The following NOMO3 variants were observed in gnomAD, a reference collection of about 807,000 sequenced individuals.
NOMO3 encodes NODAL modulator 3.
Under a neutral mutation model 69.9 loss-of-function variants are expected in NOMO3, and 15 were observed. That is an observed-to-expected ratio of 0.21 (90% CI 0.14 to 0.33). NOMO3 has a LOEUF of 0.33. Among genes scored for constraint, NOMO3 ranks in the 10% least tolerant of loss-of-function variants. The pLI is 1.00. For synonymous variants in NOMO3, 89 were observed against 301.9 expected (o/e 0.29, Z 7.31); for missense variants, 218 against 761.0 (o/e 0.29, Z 8.39).
At position 16,263,569 on chromosome 16, in the gene NOMO3, C is replaced by T. The variant is rs752185268; in HGVS notation, c.1594C>T (p.Arg532Trp). The stretch of plus-strand genomic sequence containing the variant: ...GTCCCTGAGCCGCCAGGGTGAGAAG[C>T]GGAGCCTCCAGCTCTCCGGCAAGGT... ...LQSLSRQGEK[R>W]SLQLSGKVNA... Residue 532 changes from arginine (R) to tryptophan (W), a missense_variant, in exon 14 of 31, where the codon CGG (arginine) becomes TGG (tryptophan). Arg to Trp is a moderately radical substitution (Grantham distance 101). Coordinates refer to ENST00000399336, the MANE Select transcript of NOMO3 (RefSeq NM_001004067.4). 1.2e-4 allele frequency: 113 copies of T among 951,988 alleles called. 5 individuals are homozygous for T. The highest frequency in any genetic ancestry group is 6.7e-4 in the Middle Eastern group (2 of 2,988). 59.0% of individuals were successfully genotyped at this position (951,988 alleles called of 1,614,324 possible).
At chr16:16,256,332 G>A (rs2049512173) in intron 11 of NOMO3, among the ~76,000 whole-genome samples, 174 bp downstream of exon 11, 1 of 123,412 alleles carries the variant, frequency 8.1e-6, no homozygotes, top group South Asian at 2.7e-4. Flanking sequence ...CTGTAGTGCA[G>A]TGGTGCCATC....
chr16:16,237,484 G>A (rs111577264), intron 2 of NOMO3, among the ~76,000 whole-genome samples: 3 of 143,468 alleles, frequency 2.1e-5, no homozygotes, highest in Non-Finnish European at 4.5e-5. Flanking sequence ...TACCCTTTTC[G>A]CTCCAATTTT....
intron 11 of NOMO3, chr16:16,260,800 T>C (rs1413670477): frequency 7.0e-6 from 1 of 142,720 alleles, no homozygotes; most frequent in Non-Finnish European, 1.5e-5. Flanking sequence ...TGATGGTCGT[T>C]GTAGGGGGGC....
chr16:16,233,502 G>GT (rs1300616875), intron 1 of NOMO3, among the ~76,000 whole-genome samples: 23,885 of 92,810 alleles, frequency 0.26, 4,498 homozygotes, highest in Non-Finnish European at 0.35. Context: ...TGTGCTGAAG[G>GT]TTTTTTTTTT....
chr16:16,252,207 C>G lies in NOMO3; in HGVS notation c.873+107C>G. The G allele has an allele frequency of 2.5e-6, 4 of 1,575,742 alleles. 1 individual carries two copies. Among genetic ancestry groups the G allele is most frequent in the Middle Eastern group, 2.3e-4 (1 of 4,310 alleles). Reference sequence around the variant, plus strand: ...GAAAAGATGGTTGGCCTGCAGTTCTCTGAACATGCTGTTAAGCAGTAACTT... The same window carrying G: ...GAAAAGATGGTTGGCCTGCAGTTCTGTGAACATGCTGTTAAGCAGTAACTT... On this transcript the variant is annotated intron_variant, in intron 8 of 30. Coordinates refer to ENST00000399336, the MANE Select transcript of NOMO3 (RefSeq NM_001004067.4).
intron 11 of NOMO3, among the ~76,000 whole-genome samples, chr16:16,258,192 AAAAT>A (rs1290763363): frequency 7.0e-6 from 1 of 142,958 alleles, no homozygotes; most frequent in Non-Finnish European, 1.5e-5. Flanking sequence ...ACCTGGTCTA[AAAAT>A]AAATAAAGAG....
intron 14 of NOMO3, 80 bp from the exon 15 acceptor site, chr16:16,264,963 A>G (rs2049597014): frequency 4.5e-6 from 4 of 888,846 alleles, no homozygotes; most frequent in Non-Finnish European, 6.6e-6. Flanking sequence ...TAGTTAATTC[A>G]TGATCATTGT....
chr16:16,245,236 C>G, intron 5 of NOMO3, 62 bp downstream of exon 5: 1 of 1,155,410 alleles, frequency 8.7e-7, no homozygotes, highest in Non-Finnish European at 1.2e-6. Context: ...GGTCATGGAG[C>G]TGGGTTTGGG....
At position 16,244,018 on chromosome 16, in the gene NOMO3, G is replaced by A. The variant is rs1181808722; in HGVS notation, c.402+757G>A. The stretch of plus-strand genomic sequence containing the variant: ...TTAAGTTCTGAGATTTTTTTGGACC[G>A]CCACGGTGGTGTGAATTTAGAGTCC... On this transcript the variant is annotated intron_variant, in intron 4 of 30. Transcript: ENST00000399336. Among the ~76,000 whole-genome samples, 4 of 143,562 alleles carry A rather than the reference G, an allele frequency of 2.8e-5. 1 individual carries two copies. The highest frequency in any genetic ancestry group is 1.4e-4 in the Admixed American group (2 of 14,758). 94.2% of individuals were successfully genotyped at this position (143,562 alleles called of 152,430 possible).
chr16:16,265,670 ATTTTTTTT>A (rs59243746), intron 15 of NOMO3, among the ~76,000 whole-genome samples: 22 of 16,638 alleles, frequency 1.3e-3, no homozygotes, highest in African/African-American at 6.5e-3. Context: ...ATATATATAT[ATTTTTTTT>A]TTTTTTTTTT....
At chr16:16,242,228 T>TGC (rs2049379756) in intron 3 of NOMO3, among the ~76,000 whole-genome samples, 1 of 108,708 alleles carries the variant, frequency 9.2e-6, no homozygotes, top group African/African-American at 4.5e-5. Context: ...TGTGTGTGTG[T>TGC]GCATGTACGC....
intron 16 of NOMO3, among the ~76,000 whole-genome samples, chr16:16,269,469 G>C (rs1391714723): frequency 7.2e-6 from 1 of 139,434 alleles, no homozygotes; most frequent in South Asian, 2.3e-4. Context: ...CTACTCTGGG[G>C]CTTGTTGAGT....
intron 9 of NOMO3, among the ~76,000 whole-genome samples, chr16:16,252,824 C>T (rs1419444125): frequency 2.0e-5 from 2 of 100,680 alleles, no homozygotes; most frequent in Non-Finnish European, 3.8e-5. Flanking sequence ...TCCCTGTGGA[C>T]CTCATTTTTT....
chr16:16,255,053 C>T lies in NOMO3; in HGVS notation c.964-667C>T, dbSNP rs1377394469. 8.3e-5 allele frequency among the ~76,000 whole-genome samples: 12 copies of T among 144,252 alleles called. 1 individual carries two copies. The highest frequency in any genetic ancestry group is 2.7e-4 in the Admixed American group (4 of 14,868). 94.6% of individuals were successfully genotyped at this position (144,252 alleles called of 152,430 possible). A position where few individuals can be genotyped will look rare whatever the true frequency, so the allele number is the denominator to read the frequency against. ...TCAGCCTCCCGAGTAGCTGGGATTA[C>T]AGGCGCCCGCCACCACACCTGGCTA... On this transcript the variant is annotated intron_variant, in intron 9 of 30. Coordinates refer to ENST00000399336, the MANE Select transcript of NOMO3 (RefSeq NM_001004067.4).
intron 9 of NOMO3, among the ~76,000 whole-genome samples, chr16:16,254,652 T>C (rs918302741): frequency 2.1e-5 from 3 of 143,322 alleles, no homozygotes; most frequent in Admixed American, 2.0e-4. Flanking sequence ...AAAAAGTCCC[T>C]GTCTCCATGA....
intron 3 of NOMO3, among the ~76,000 whole-genome samples, chr16:16,242,729 T>A (rs1375764797): frequency 2.8e-5 from 4 of 143,026 alleles, no homozygotes; most frequent in Non-Finnish European, 5.9e-5. Context: ...GTGCCTTAAT[T>A]TACCCCTCAG....
At chr16:16,237,378 A>C (rs1297137892) in intron 2 of NOMO3, among the ~76,000 whole-genome samples, 1 of 144,608 alleles carries the variant, frequency 6.9e-6, no homozygotes, top group Non-Finnish European at 1.5e-5. Flanking sequence ...CAAGCAGCTT[A>C]AAGTATTGTT....
intron 9 of NOMO3, among the ~76,000 whole-genome samples, chr16:16,254,415 T>C (rs2141254233): frequency 7.0e-6 from 1 of 142,932 alleles, no homozygotes; most frequent in South Asian, 2.2e-4. Flanking sequence ...AAACATGTCT[T>C]TTTGGAAAGA....
At chr16:16,254,817 G>A (rs1423450285) in intron 9 of NOMO3, among the ~76,000 whole-genome samples, 1 of 145,134 alleles carries the variant, frequency 6.9e-6, no homozygotes, top group Admixed American at 6.7e-5. Context: ...AGAAAGCACA[G>A]CTGTGCTGCT....
Sources: allele counts gnomAD v4.1 joint callset (sites outside exome capture counted in the v4.1 genomes callset), GRCh38; gene constraint gnomAD v4.1.1; transcripts MANE v1.5; gene names NCBI Gene and HGNC (gene_info 2026-07-23, HGNC 2026-07-21).